The following CACHD1 variants were observed in gnomAD, a reference collection of about 807,000 sequenced individuals.
CACHD1 encodes the protein VWFA and cache domain-containing protein 1.
In CACHD1, 71 loss-of-function variants were observed where a neutral mutation model predicts 138.7. That is an observed-to-expected ratio of 0.51 (90% CI 0.42 to 0.62). The LOEUF is 0.62. Ranked by LOEUF, CACHD1 falls within the 20% of genes least tolerant of loss-of-function variation. The pLI is 0.00. For synonymous variants in CACHD1, 578 were observed against 591.5 expected (o/e 0.98, Z 0.33); for missense variants, 1,389 against 1,625.3 (o/e 0.85, Z 2.50).
chr1:64,632,161 GT>G (rs1557528788), intron 5 of CACHD1, among the ~76,000 whole-genome samples: 1 of 150,308 alleles, frequency 6.7e-6, no homozygotes, highest in African/African-American at 2.5e-5. Flanking sequence ...CCAAGCAGAG[GT>G]TGTGCATATT....
intron 1 of CACHD1, among the ~76,000 whole-genome samples, chr1:64,502,195 T>C (rs1646344233): frequency 6.6e-6 from 1 of 152,226 alleles, no homozygotes; most frequent in Non-Finnish European, 1.5e-5. Context: ...AGTAGATGCC[T>C]TTCCCACAAT....
chr1:64,675,049 C>G (rs1038934910), intron 19 of CACHD1, among the ~76,000 whole-genome samples: 5 of 152,192 alleles, frequency 3.3e-5, no homozygotes, highest in African/African-American at 1.2e-4. Context: ...TATTCCTTCC[C>G]TGAAAATTGT....
At chr1:64,595,449 T>C (rs1401833120) in intron 3 of CACHD1, among the ~76,000 whole-genome samples, 2 of 152,082 alleles carry the variant, frequency 1.3e-5, no homozygotes, top group Non-Finnish European at 2.9e-5. Context: ...AACTGTAAAG[T>C]GTGTCAAGTC....
At chr1:64,679,447 A>G (rs1262779540) in intron 23 of CACHD1, 148 bp from the exon 24 acceptor site, 12 of 845,638 alleles carry the variant, frequency 1.4e-5, no homozygotes, top group African/African-American at 1.4e-4. Flanking sequence ...CCCATGCGTC[A>G]TGTTTGAGGA....
intron 16 of CACHD1, among the ~76,000 whole-genome samples, chr1:64,669,787 G>A (rs1365694790): frequency 6.6e-6 from 1 of 152,068 alleles, no homozygotes; most frequent in African/African-American, 2.4e-5. Context: ...ATTTATGTAG[G>A]CAATATACGT....
At chr1:64,688,524 C>T (rs1650438173) in intron 26 of CACHD1, among the ~76,000 whole-genome samples, 1 of 152,110 alleles carries the variant, frequency 6.6e-6, no homozygotes, top group Admixed American at 6.5e-5. Flanking sequence ...GTCACCAAAT[C>T]CAGCCTACTG....
At chr1:64,532,319 GACACTGGGA>G (rs1158668383) in intron 1 of CACHD1, among the ~76,000 whole-genome samples, 1 of 152,152 alleles carries the variant, frequency 6.6e-6, no homozygotes, top group Admixed American at 6.5e-5. Context: ...AGGCACTGAG[GACACTGGGA>G]ACAACAACAA....
chr1:64,506,705 A>G lies in CACHD1; in HGVS notation c.198+35763A>G, dbSNP rs113084416. On this transcript the variant is annotated intron_variant, in intron 1 of 26. Coordinates refer to ENST00000651257, the MANE Select transcript of CACHD1 (RefSeq NM_020925.4). Reference sequence around the variant, plus strand: ...GATTCTTATGCTAAGTATCTGGTGTATCTTGTGTCACGGTTTTGTTCTTGC... The same window carrying G: ...GATTCTTATGCTAAGTATCTGGTGTGTCTTGTGTCACGGTTTTGTTCTTGC... Among the ~76,000 whole-genome samples the G allele has an allele frequency of 1.2e-3, 178 of 152,336 alleles. 1 individual carries two copies. The highest frequency in any genetic ancestry group is 4.1e-3 in the African/African-American group (172 of 41,582).
intron 1 of CACHD1, among the ~76,000 whole-genome samples, chr1:64,542,519 G>A (rs1206370084): frequency 6.6e-6 from 1 of 152,110 alleles, no homozygotes; most frequent in Non-Finnish European, 1.5e-5. Context: ...GTAGAGTCTA[G>A]TTGTAACTTT....
At chr1:64,584,678 C>A (rs1647037124) in intron 3 of CACHD1, among the ~76,000 whole-genome samples, 1 of 152,110 alleles carries the variant, frequency 6.6e-6, no homozygotes. Flanking sequence ...AGTTGGCCTC[C>A]CCTTCTGTTC....
chr1:64,571,006 T>C (rs1646923568), intron 2 of CACHD1, among the ~76,000 whole-genome samples: 3 of 152,174 alleles, frequency 2.0e-5, no homozygotes, highest in Non-Finnish European at 4.4e-5. Context: ...CAAGAGTTGC[T>C]TTGCCACTGC....
chr1:64,668,156 G>A (rs574066562), intron 16 of CACHD1, among the ~76,000 whole-genome samples: 11 of 152,046 alleles, frequency 7.2e-5, no homozygotes, highest in African/African-American at 1.4e-4. Flanking sequence ...GTGAAACCCC[G>A]TCTGTACTAA....
intron 7 of CACHD1, among the ~76,000 whole-genome samples, chr1:64,637,133 GTTCT>G (rs1301983920): frequency 2.0e-5 from 3 of 152,204 alleles, no homozygotes; most frequent in Non-Finnish European, 4.4e-5. Context: ...CACTAGAAGT[GTTCT>G]TTCTACCAAA....
intron 14 of CACHD1, chr1:64,664,105 T>C (rs1649544163): frequency 2.0e-6 from 1 of 492,020 alleles, no homozygotes; most frequent in East Asian, 3.3e-5. Flanking sequence ...ATTTAGAGAC[T>C]AGTGAAACTT....
rs148605453 is a variant in CACHD1 at position 64,649,237 on chromosome 1, C to A, written c.1390+1203C>A. 4.5e-4 allele frequency among the ~76,000 whole-genome samples: 68 copies of A among 152,228 alleles called. 1 individual carries two copies. The East Asian group carries it at 0.013, about 29-fold the overall frequency. On this transcript the variant is annotated intron_variant, in intron 9 of 26. Coordinates refer to ENST00000651257, the MANE Select transcript of CACHD1 (RefSeq NM_020925.4). ...TTTTAAAGAGACAGGGCCTGTCTCA[C>A]CCCGGCCGGAGTGCAGTGGTGTGAT...
intron 5 of CACHD1, among the ~76,000 whole-genome samples, chr1:64,631,200 T>C (rs147431602): frequency 1.8e-4 from 28 of 152,352 alleles, no homozygotes; most frequent in African/African-American, 6.5e-4. Context: ...TTTATGTGAA[T>C]TGAATTTTAA....
At chr1:64,598,581 T>C (rs1184223439) in intron 3 of CACHD1, among the ~76,000 whole-genome samples, 1 of 152,116 alleles carries the variant, frequency 6.6e-6, no homozygotes, top group African/African-American at 2.4e-5. Context: ...TAACCTACAG[T>C]CCCATTGGGG....
At chr1:64,556,721 A>C (rs1391165966) in intron 2 of CACHD1, among the ~76,000 whole-genome samples, 1 of 152,158 alleles carries the variant, frequency 6.6e-6, no homozygotes, top group Non-Finnish European at 1.5e-5. Flanking sequence ...TGTGGGTCTA[A>C]ATTGTCTAAC....
At chr1:64,613,093 T>C (rs768046270) in intron 4 of CACHD1, among the ~76,000 whole-genome samples, 14 of 152,166 alleles carry the variant, frequency 9.2e-5, no homozygotes, top group Non-Finnish European at 1.8e-4. Context: ...GTGGAGGAAG[T>C]CACTGCAAAT....
Sources: gnomAD v4.1 joint callset for allele counts (sites outside exome capture counted in the v4.1 genomes callset) on GRCh38, gnomAD v4.1.1 for gene constraint, MANE v1.5 for transcripts, NCBI Gene and HGNC (gene_info 2026-07-23, HGNC 2026-07-21) for gene names.